Variants in BTBD8 observed in about 807,000 individuals in gnomAD.
The protein encoded by BTBD8 is BTB/POZ domain-containing protein 8.
A neutral mutation model predicts 162.9 loss-of-function variants in BTBD8; 110 were observed. The observed-to-expected ratio is 0.68, with a 90% CI of 0.58 to 0.79. BTBD8 has a LOEUF of 0.79. BTBD8 is among the 30% of genes least tolerant of loss of function. BTBD8 has a pLI of 0.00. For missense variants in BTBD8, 1,905 were observed against 2,085.4 expected, an observed-to-expected ratio of 0.91 and a Z score of 1.68; for synonymous variants, 667 against 716.1, an observed-to-expected ratio of 0.93 and a Z score of 1.10.
intron 17 of BTBD8, among the ~76,000 whole-genome samples, chr1:92,183,549 G>A (rs1416591122): frequency 1.3e-5 from 2 of 151,484 alleles, no homozygotes; most frequent in East Asian, 1.9e-4. Context: ...TTCTATTGTA[G>A]TGAATTAGAT....
chr1:92,160,052 T>C (rs1168575878), intron 9 of BTBD8, among the ~76,000 whole-genome samples: 1 of 152,182 alleles, frequency 6.6e-6, no homozygotes, highest in Non-Finnish European at 1.5e-5. Flanking sequence ...CCTTAAACTT[T>C]CTTTACTATT....
chr1:92,156,443 G>A (rs1470699496), intron 9 of BTBD8, among the ~76,000 whole-genome samples: 1 of 152,110 alleles, frequency 6.6e-6, no homozygotes, highest in Non-Finnish European at 1.5e-5. Flanking sequence ...TGTAAAATGA[G>A]GGAAATATTC....
At chr1:92,173,214 C>T (rs570248199) in intron 13 of BTBD8, among the ~76,000 whole-genome samples, 3 of 152,318 alleles carry the variant, frequency 2.0e-5, no homozygotes, top group Admixed American at 6.5e-5. Flanking sequence ...CGTGAGCCAC[C>T]ACGCCCAACC....
chr1:92,081,711 T>C (rs1297961695), intron 1 of BTBD8, among the ~76,000 whole-genome samples: 1 of 152,134 alleles, frequency 6.6e-6, no homozygotes, highest in Admixed American at 6.5e-5. Context: ...GTAGCTGGGA[T>C]TACAGGCACG....
intron 4 of BTBD8, among the ~76,000 whole-genome samples, chr1:92,123,776 C>CAAAAAAA (rs529220915): frequency 1.2e-5 from 1 of 84,482 alleles, no homozygotes; most frequent in East Asian, 3.0e-4. Flanking sequence ...GACTCCGTCT[C>CAAAAAAA]AAAAAAAAAA....
In BTBD8 at chr1:92,179,557, GT is replaced by G. The variant is rs535815062; in HGVS notation, c.2582-707del. Among the ~76,000 whole-genome samples, 9 of 152,294 alleles carry G rather than the reference GT, an allele frequency of 5.9e-5. No homozygotes were observed. The East Asian group carries it at 1.7e-3, about 29-fold the overall frequency. On this transcript the variant is annotated intron_variant, in intron 16 of 17. Transcript: ENST00000636805. ...GTAGAGAAAACATTTTCATATCCTA[GT>G]AATAACTAAATGTTAAACATTTTAA...
At chr1:92,150,060 A>T (rs1650011332) in intron 9 of BTBD8, among the ~76,000 whole-genome samples, 1 of 152,182 alleles carries the variant, frequency 6.6e-6, no homozygotes. Flanking sequence ...CCCTGTAACA[A>T]ATTTCTTTAT....
intron 5 of BTBD8, among the ~76,000 whole-genome samples, chr1:92,130,038 G>C (rs1216455382): frequency 6.6e-6 from 1 of 152,186 alleles, no homozygotes; most frequent in Non-Finnish European, 1.5e-5. Flanking sequence ...CACGGTTCTG[G>C]AAACTGGAAG....
chr1:92,139,658 CTT>C (rs10606584), intron 6 of BTBD8: 513,862 of 820,896 alleles, frequency 0.63, 164,553 homozygotes, highest in East Asian at 0.96. Flanking sequence ...CTTTATTAGA[CTT>C]AAATTTAGAA....
chr1:92,102,454 T>G lies in BTBD8; in HGVS notation c.348-19T>G, dbSNP rs1294588367. 13 of 1,328,638 alleles carry G rather than the reference T, an allele frequency of 9.8e-6. No individual in the cohort carries two copies. Among genetic ancestry groups the G allele is most frequent in the Admixed American group, 2.8e-5 (1 of 35,868 alleles). The allele number at this position is 1,328,638 out of a possible 1,614,324, so 82.3% of individuals were successfully genotyped here. On this transcript the variant is annotated intron_variant, in intron 2 of 17. Coordinates refer to ENST00000636805, the MANE Select transcript of BTBD8 (RefSeq NM_001376131.1). The stretch of plus-strand genomic sequence containing the variant: ...ATCACCAATGTTATTTTATTAATAT[T>G]TTATATTTTGTCTTTTAGGATTATA...
intron 9 of BTBD8, among the ~76,000 whole-genome samples, chr1:92,156,536 C>T (rs1379214402): frequency 6.6e-6 from 1 of 152,070 alleles, no homozygotes; most frequent in African/African-American, 2.4e-5. Flanking sequence ...GTAATGAAGC[C>T]ATCAGTAGAA....
At chr1:92,161,839 T>G (rs1016270013) in intron 9 of BTBD8, among the ~76,000 whole-genome samples, 1 of 152,214 alleles carries the variant, frequency 6.6e-6, no homozygotes, top group Non-Finnish European at 1.5e-5. Flanking sequence ...TTTGTTTGTT[T>G]GTTTTGTTGT....
intron 11 of BTBD8, 47 bp from the exon 12 acceptor site, chr1:92,168,819 A>AT: frequency 1.4e-6 from 2 of 1,456,780 alleles, no homozygotes; most frequent in African/African-American, 2.8e-5. Flanking sequence ...ACTGGTTGCT[A>AT]TGACAATGTG....
At chr1:92,147,132 C>A in intron 7 of BTBD8, 48 bp from the exon 8 acceptor site, 1 of 1,394,286 alleles carries the variant, frequency 7.2e-7, no homozygotes, top group Non-Finnish European at 9.8e-7. Context: ...TATTTTTAGG[C>A]TTTGTAAATT....
In BTBD8 at chr1:92,154,904, A is replaced by G. The variant is rs574033536; in HGVS notation, c.1122+7118A>G. On this transcript the variant is annotated intron_variant, in intron 9 of 17. Transcript: ENST00000636805. ...AGTTTTAGAGTTTCAGGTCTTAGGTAGAAGTCTTAAATCCATTTTGAGTTG... is the reference window on the plus strand; with the variant it reads ...AGTTTTAGAGTTTCAGGTCTTAGGTGGAAGTCTTAAATCCATTTTGAGTTG... Among the ~76,000 whole-genome samples the G allele has an allele frequency of 1.9e-3, 290 of 152,300 alleles. 1 individual carries two copies. Among genetic ancestry groups the G allele is most frequent in the African/African-American group, 6.7e-3 (277 of 41,568 alleles).
chr1:92,125,950 C>T, intron 4 of BTBD8: 1 of 450,278 alleles, frequency 2.2e-6, no homozygotes, highest in Non-Finnish European at 4.5e-6. Flanking sequence ...ATTTATGGAA[C>T]ACCTAGAGTA....
chr1:92,088,454 A>G (rs1314776850), intron 1 of BTBD8, among the ~76,000 whole-genome samples: 1 of 152,308 alleles, frequency 6.6e-6, no homozygotes, highest in South Asian at 2.1e-4. Context: ...ATATTTTGAA[A>G]CAGTAGTCTT....
intron 15 of BTBD8, 71 bp from the exon 16 acceptor site, chr1:92,178,238 TCAG>T: frequency 3.5e-6 from 4 of 1,155,642 alleles, no homozygotes; most frequent in Non-Finnish European, 4.8e-6. Context: ...AAAAACTGTT[TCAG>T]GTATTGGTCT....
chr1:92,127,741 A>G (rs945659851), intron 4 of BTBD8, among the ~76,000 whole-genome samples: 2 of 152,076 alleles, frequency 1.3e-5, no homozygotes, highest in South Asian at 4.2e-4. Flanking sequence ...TTGTATTTTT[A>G]GTAGAGGTGG....
Sources: allele counts gnomAD v4.1 joint callset (sites outside exome capture counted in the v4.1 genomes callset), GRCh38; gene constraint gnomAD v4.1.1; transcripts MANE v1.5; gene names NCBI Gene and HGNC (gene_info 2026-07-23, HGNC 2026-07-21).